TRPC4: variants seen among roughly 807,000 people sequenced by gnomAD.
TRPC4 encodes the protein transient receptor potential cation channel subfamily C member 4, also known as short transient receptor potential channel 4.
A neutral mutation model predicts 99.4 loss-of-function variants in TRPC4; 49 were observed. The observed-to-expected ratio is 0.49, with a 90% confidence interval of 0.39 to 0.63. The LOEUF is 0.63. Among genes scored for constraint, TRPC4 ranks in the 20% least tolerant of loss-of-function variants. TRPC4 has a pLI of 0.00. For missense variants in TRPC4, 898 were observed against 1,152.9 expected (o/e 0.78, Z 3.20); for synonymous variants, 454 against 425.9 (o/e 1.07, Z -0.81).
intron 1 of TRPC4, among the ~76,000 whole-genome samples, chr13:37,834,184 A>T (rs1211025959): frequency 6.6e-6 from 1 of 152,222 alleles, no homozygotes; most frequent in Non-Finnish European, 1.5e-5. Flanking sequence ...ACTGTTTATA[A>T]ATGTTCTACA....
chr13:37,829,679 A>G (rs184882364), intron 1 of TRPC4, among the ~76,000 whole-genome samples: 1 of 152,206 alleles, frequency 6.6e-6, no homozygotes, highest in Non-Finnish European at 1.5e-5. Flanking sequence ...TATGTCACAC[A>G]GAAATTTGTA....
intron 2 of TRPC4, among the ~76,000 whole-genome samples, chr13:37,781,456 A>G (rs991336335): frequency 2.6e-5 from 4 of 152,094 alleles, no homozygotes; most frequent in Non-Finnish European, 4.4e-5. Flanking sequence ...ACCTAAACTT[A>G]CACAGATTAA....
intron 3 of TRPC4, among the ~76,000 whole-genome samples, chr13:37,725,391 G>A (rs1251723437): frequency 7.0e-6 from 1 of 142,520 alleles, no homozygotes; most frequent in Non-Finnish European, 1.6e-5. Context: ...AGCTCAATGA[G>A]CTCCAAGTAT....
At chr13:37,799,034 C>G (rs746255199) in intron 1 of TRPC4, among the ~76,000 whole-genome samples, 1 of 151,716 alleles carries the variant, frequency 6.6e-6, no homozygotes, top group Non-Finnish European at 1.5e-5. Flanking sequence ...TGGGTTCACG[C>G]CATTCTCCTG....
intron 3 of TRPC4, among the ~76,000 whole-genome samples, chr13:37,720,419 TG>T (rs1365373043): frequency 6.6e-6 from 1 of 152,116 alleles, no homozygotes; most frequent in Non-Finnish European, 1.5e-5. Flanking sequence ...TCCGTTGTTT[TG>T]GACATGAGAA....
chr13:37,656,746 A>T (rs990695420), intron 6 of TRPC4, among the ~76,000 whole-genome samples: 1 of 152,182 alleles, frequency 6.6e-6, no homozygotes, highest in African/African-American at 2.4e-5. Flanking sequence ...TTGAGACAGC[A>T]CAAACTAAGA....
intron 3 of TRPC4, among the ~76,000 whole-genome samples, chr13:37,710,375 CTTTG>C (rs994033989): frequency 1.3e-5 from 2 of 151,710 alleles, no homozygotes; most frequent in East Asian, 1.9e-4. Context: ...ATGCACAAAA[CTTTG>C]TTTATTTATT....
intron 5 of TRPC4, among the ~76,000 whole-genome samples, chr13:37,671,471 C>G (rs780313600): frequency 6.6e-6 from 1 of 151,730 alleles, no homozygotes; most frequent in Non-Finnish European, 1.5e-5. Context: ...AGAGCTCAAA[C>G]TCTTTTAAAA....
intron 1 of TRPC4, among the ~76,000 whole-genome samples, chr13:37,790,716 C>T (rs1957096820): frequency 6.6e-6 from 1 of 152,262 alleles, no homozygotes; most frequent in African/African-American, 2.4e-5. Context: ...CTGAAACCAA[C>T]TGAGCACAGG....
intron 1 of TRPC4, among the ~76,000 whole-genome samples, chr13:37,859,598 CGAAAT>C (rs891699477): frequency 7.9e-5 from 12 of 151,122 alleles, no homozygotes; most frequent in Admixed American, 7.9e-4. Context: ...TTGAAAGTAC[CGAAAT>C]GAAATGAATT....
intron 6 of TRPC4, 104 bp downstream of exon 6, chr13:37,663,312 C>T (rs538047279): frequency 1.9e-5 from 21 of 1,110,464 alleles, no homozygotes; most frequent in Non-Finnish European, 2.4e-5. Context: ...AATTTTAGTT[C>T]CCCATTTTCT....
intron 1 of TRPC4, among the ~76,000 whole-genome samples, chr13:37,835,213 C>G (rs1275438706): frequency 3.9e-5 from 6 of 152,158 alleles, no homozygotes; most frequent in African/African-American, 1.2e-4. Context: ...CTGACTGTTT[C>G]ATTCTCTTCG....
chr13:37,697,953 G>T (rs1330743596), intron 3 of TRPC4, among the ~76,000 whole-genome samples: 1 of 151,992 alleles, frequency 6.6e-6, no homozygotes, highest in Non-Finnish European at 1.5e-5. Flanking sequence ...GAATGTCTGT[G>T]TGGGTATATG....
chr13:37,672,648 T>C (rs1952892486), intron 5 of TRPC4, among the ~76,000 whole-genome samples: 2 of 152,188 alleles, frequency 1.3e-5, no homozygotes, highest in South Asian at 4.1e-4. Context: ...GTCTAAACAA[T>C]TTTATGTATA....
intron 1 of TRPC4, 90 bp from the exon 2 acceptor site, chr13:37,783,450 A>T: frequency 1.0e-6 from 1 of 990,126 alleles, no homozygotes; most frequent in East Asian, 2.6e-5. Context: ...CAGTGATATC[A>T]ATAACAACAA....
chr13:37,680,896 T>G (rs975277701), intron 4 of TRPC4, among the ~76,000 whole-genome samples: 1 of 152,232 alleles, frequency 6.6e-6, no homozygotes, highest in Non-Finnish European at 1.5e-5. Context: ...AAATATATTT[T>G]AAAGTACTTG....
chr13:37,759,957 C>T (rs892906864), intron 2 of TRPC4, among the ~76,000 whole-genome samples: 3 of 151,964 alleles, frequency 2.0e-5, no homozygotes, highest in African/African-American at 7.2e-5. Flanking sequence ...ATTGTAGAAA[C>T]ATATTCTTGT....
At chr13:37,711,392 T>G (rs1408880857) in intron 3 of TRPC4, among the ~76,000 whole-genome samples, 1 of 152,014 alleles carries the variant, frequency 6.6e-6, no homozygotes, top group Non-Finnish European at 1.5e-5. Flanking sequence ...ACAAATATTG[T>G]GACAATTAGA....
intron 1 of TRPC4, among the ~76,000 whole-genome samples, chr13:37,846,833 A>G (rs962218499): frequency 3.3e-5 from 5 of 152,124 alleles, no homozygotes; most frequent in African/African-American, 7.2e-5. Flanking sequence ...TTACTAGTAC[A>G]GATACACACA....
Sources: gnomAD v4.1 joint callset for allele counts (sites outside exome capture counted in the v4.1 genomes callset) on GRCh38, gnomAD v4.1.1 for gene constraint, MANE v1.5 for transcripts, NCBI Gene and HGNC (gene_info 2026-07-23, HGNC 2026-07-21) for gene names.